The following LCT variants were observed in gnomAD, a reference collection of about 807,000 sequenced individuals.
The protein encoded by LCT is lactase.
A neutral mutation model predicts 173.0 loss-of-function variants in LCT; 90 were observed. That is an observed-to-expected ratio of 0.52 (90% confidence interval 0.44 to 0.62). The LOEUF is 0.62. Among genes scored for constraint, LCT ranks in the 20% least tolerant of loss-of-function variants. LCT has a pLI of 0.00. For missense variants in LCT, 1,864 were observed against 2,431.4 expected (o/e 0.77, Z 4.91); for synonymous variants, 853 against 957.6 (o/e 0.89, Z 2.02).
At chr2:135,834,255 G>A (rs1007320888) in intron 1 of LCT, among the ~76,000 whole-genome samples, 5 of 151,698 alleles carry the variant, frequency 3.3e-5, no homozygotes, top group Admixed American at 2.0e-4. Flanking sequence ...GCGCAGTCTC[G>A]GCTCACTGCA....
At chr2:135,804,410 G>T (rs1275120787) in intron 10 of LCT, among the ~76,000 whole-genome samples, 1 of 152,166 alleles carries the variant, frequency 6.6e-6, no homozygotes, top group Non-Finnish European at 1.5e-5. Context: ...GGTCGAGCAC[G>T]GTGGCTCATA....
chr2:135,798,246 T>C (rs1259020166), intron 12 of LCT, 108 bp from the exon 13 acceptor site: 3 of 751,424 alleles, frequency 4.0e-6, no homozygotes, highest in Non-Finnish European at 7.3e-6. Context: ...CTCCTTTTCC[T>C]GGACCCCCAG....
intron 3 of LCT, among the ~76,000 whole-genome samples, chr2:135,825,004 A>G (rs1012751137): frequency 6.6e-6 from 1 of 151,800 alleles, no homozygotes. Context: ...AAAAAAAAAA[A>G]AAAAAGAAAA....
chr2:135,792,595 C>T (rs191215134), intron 14 of LCT, among the ~76,000 whole-genome samples: 1 of 152,186 alleles, frequency 6.6e-6, no homozygotes, highest in Admixed American at 6.5e-5. Context: ...TGCATGGGAG[C>T]TAGGTGAGGC....
chr2:135,817,425 A>G lies in LCT; in HGVS notation c.1623T>C (p.His541=), dbSNP rs369866177. The G allele has an allele frequency of 7.4e-6, 12 of 1,614,004 alleles. No homozygotes were observed. In the African/African-American group the frequency reaches 1.5e-4, roughly 20 times the overall value. ...GDRVKLWVTF[H]EPWVMSYAGY... is the part of the protein sequence containing the mutation. ...CTGCGTAGCTCATCACCCACGGCTC[A>G]TGGAAGGTCACCCACAGCTTCACAC... The change falls in exon 6 of 17, where the codon CAT becomes CAC. Residue 541 remains histidine (H), a synonymous_variant. Transcript: ENST00000264162.
intron 3 of LCT, among the ~76,000 whole-genome samples, chr2:135,827,932 G>A (rs1197036834): frequency 6.6e-6 from 1 of 152,210 alleles, no homozygotes; most frequent in Non-Finnish European, 1.5e-5. Flanking sequence ...GATAGGACTG[G>A]TGCTAATTTG....
At chr2:135,796,344 C>T (rs2077581318) in intron 13 of LCT, among the ~76,000 whole-genome samples, 1 of 152,238 alleles carries the variant, frequency 6.6e-6, no homozygotes, top group African/African-American at 2.4e-5. Context: ...ACAGCCTCCT[C>T]CTGTCCCTGA....
rs548930226 is a variant in LCT, at chr2:135,807,033, C to T, written c.4173+95G>A. 8.1e-3 allele frequency: 11,425 copies of T among 1,409,636 alleles called. 724 individuals are homozygous for T. The African/African-American group carries it at 0.14, about 18-fold the overall frequency. 87.3% of individuals were successfully genotyped at this position (1,409,636 alleles called of 1,614,324 possible). The stretch of plus-strand genomic sequence containing the variant: ...CCCCTCCATGGGTCTGCTGGAATCT[C>T]CTGTTCATGCATCTGCCCTTCCCAG... On this transcript the variant is annotated intron_variant, in intron 9 of 16. Coordinates refer to ENST00000264162, the MANE Select transcript of LCT (RefSeq NM_002299.4).
In LCT at chr2:135,836,566, C is replaced by A. The variant is rs1359258763; in HGVS notation, c.604G>T (p.Ala202Ser). The change falls in exon 1 of 17, where the codon GCC becomes TCC. Residue 202 changes from alanine (A) to serine (S), a missense_variant. Physicochemically the swap from Ala to Ser is moderately conservative, Grantham distance 99 (BLOSUM62 1). Transcript: ENST00000264162. ...LQTLSDAHRK[A>S]YEIYHESYAF... ...TAGCTTTCGTGGTAAATCTCATAGG[C>A]TTTTCTGTGGGCATCACTGAGGGTC... 6.2e-7 allele frequency: 1 copy of A among 1,614,100 alleles called. No homozygotes were observed. The highest frequency in any genetic ancestry group is 8.5e-7 in the Non-Finnish European group (1 of 1,179,996).
intron 14 of LCT, chr2:135,794,350 G>C: frequency 2.8e-6 from 1 of 352,728 alleles, no homozygotes. Flanking sequence ...TTAGAGTTAA[G>C]CAGCCTGTGA....
Position 135,804,101 on chromosome 2 carries a change from G to A in LCT, c.4492C>T (p.Gln1498Ter). Residue 1498 changes from glutamine (Q) to a stop codon, truncating the protein, a stop_gained, in exon 11 of 17, where the codon CAG (glutamine) becomes TAG (stop). Transcript: ENST00000264162. LOFTEE classifies it high-confidence loss of function. ...QVTIYHWDLP[Q>*]TLQDVGGWEN... ...CAGCCTCCTACATCTTGGAGCGTCT[G>A]TGGTAGGTCCCAGTGGTAAATGGTC... 1 of 1,614,068 alleles carries A rather than the reference G, an allele frequency of 6.2e-7. No homozygotes were observed. Among genetic ancestry groups the A allele is most frequent in the East Asian group, 2.2e-5 (1 of 44,884 alleles).
At chr2:135,800,580 G>C in intron 12 of LCT, 27 bp downstream of exon 12, 1 of 1,570,070 alleles carries the variant, frequency 6.4e-7, no homozygotes, top group South Asian at 1.1e-5. Flanking sequence ...ACAAGAGTAA[G>C]AACAAGCGCC....
rs746882997 is a variant in LCT, at chr2:135,809,642, G to A, written c.2705C>T (p.Thr902Met). Residue 902 changes from threonine to methionine, a missense_variant, in exon 8 of 17, where the codon ACG (threonine) becomes ATG (methionine). Thr to Met is a moderately conservative substitution (Grantham distance 81). Around this residue, in one of 4 missense-constraint regions of LCT, gnomAD observed 755 missense variants for 926.3 expected, o/e 0.82. Coordinates refer to ENST00000264162, the MANE Select transcript of LCT (RefSeq NM_002299.4). This position sits in a 1 kb window ranked among gnomAD's most constrained non-coding sequence, Gnocchi z 5.5. The stretch of plus-strand genomic sequence containing the variant: ...GCCCCACAGAAAGTCATCCCGAAAC[G>A]TCCCGTGGTAGAACAAATCTCTTTC... ...KFERDLFYHGTFRDDFLWGVS... is the reference protein window; with the variant it reads ...KFERDLFYHGMFRDDFLWGVS... The A allele has an allele frequency of 3.7e-6, 6 of 1,614,204 alleles. No individual in the cohort carries two copies. Among genetic ancestry groups the A allele is most frequent in the Non-Finnish European group, 4.2e-6 (5 of 1,180,042 alleles).
At chr2:135,823,800 A>C in intron 4 of LCT, 101 bp downstream of exon 4, 1 of 801,260 alleles carries the variant, frequency 1.2e-6, no homozygotes, top group Non-Finnish European at 2.2e-6. Context: ...TCTTCCTCCC[A>C]TGCTCCTCCT....
rs757978538 is a variant in LCT at position 135,800,759 on chromosome 2, T to A, written c.4714A>T (p.Ile1572Leu). ...TGCCAGGCCTCAGCATGAGCCTTTA[T>A]TAGATTGTGGCCAACAATGTAGGGG... The part of the protein sequence containing the change: ...TAPYIVGHNL[I>L]KAHAEAWHLY... Residue 1572 changes from isoleucine (I) to leucine (L), a missense_variant, in exon 12 of 17, where the codon ATA becomes TTA. By Grantham distance (5) the Ile-to-Leu change is conservative. Coordinates refer to ENST00000264162, the MANE Select transcript of LCT (RefSeq NM_002299.4). 7 of 1,614,150 alleles carry A rather than the reference T, an allele frequency of 4.3e-6. No individual in the cohort carries two copies. The highest frequency in any genetic ancestry group is 1.3e-5 in the African/African-American group (1 of 75,046).
Position 135,790,681 on chromosome 2 carries a change from G to C in LCT, c.5312C>G (p.Thr1771Ser), listed in dbSNP as rs2077526531. The C allele has an allele frequency of 1.2e-6, 2 of 1,612,188 alleles. No individual in the cohort carries two copies. The highest frequency in any genetic ancestry group is 1.7e-6 in the Non-Finnish European group (2 of 1,179,194). ...ACCTTTGAGGGCCTCATTGATGTAA[G>C]TCCGAAGGTAGTAGATCCTTGCAGT... ...NDTARIYYLR[T>S]YINEALKAVQ... The change falls in exon 15 of 17, where the codon ACT becomes AGT. Residue 1771 changes from threonine to serine, a missense_variant. By Grantham distance (58) the Thr-to-Ser change is moderately conservative (BLOSUM62 1). Transcript: ENST00000264162. This position sits in a 1 kb window ranked among gnomAD's most constrained non-coding sequence, Gnocchi z 4.1.
chr2:135,815,090 C>G (rs908361794), intron 6 of LCT, among the ~76,000 whole-genome samples: 1 of 152,150 alleles, frequency 6.6e-6, no homozygotes, highest in Non-Finnish European at 1.5e-5. Flanking sequence ...AGGAAGAGAG[C>G]CCTCACCAGA....
rs1413424978 is a variant in LCT at position 135,790,263 on chromosome 2, AGTT to A, written c.5335+392_5335+394del. 6.6e-6 allele frequency among the ~76,000 whole-genome samples: 1 copy of A among 152,108 alleles called. No homozygotes were observed. Among genetic ancestry groups the A allele is most frequent in the Non-Finnish European group, 1.5e-5 (1 of 68,024 alleles). The stretch of plus-strand genomic sequence containing the variant: ...CTCTTATCCTCATGGTCCCATCTCA[AGTT>A]GTTAGGGCTGAGCCAAGAGCCTCAA... On this transcript the variant is annotated intron_variant, in intron 15 of 16. Coordinates refer to ENST00000264162, the MANE Select transcript of LCT (RefSeq NM_002299.4). This position sits in a 1 kb window ranked among gnomAD's most constrained non-coding sequence, Gnocchi z 4.1.
In LCT at chr2:135,812,788, A is replaced by G; in HGVS notation, c.1876T>C (p.Phe626Leu). The G allele has an allele frequency of 1.2e-6, 2 of 1,614,196 alleles. No homozygotes were observed. Among genetic ancestry groups the G allele is most frequent in the Non-Finnish European group, 1.7e-6 (2 of 1,180,048 alleles). ...DLRASERFLH[F>L]MLGWFAHPVF... ...GGGTGTGCAAACCAGCCCAGCATGA[A>G]GTGCAAGAAGCGCTCAGAGGCTCTC... The change falls in exon 7 of 17, where the codon TTC (phenylalanine) becomes CTC (leucine). Residue 626 changes from phenylalanine to leucine, a missense_variant. By Grantham distance (22) the Phe-to-Leu change is conservative. Transcript: ENST00000264162.
Sources: allele counts gnomAD v4.1 joint callset (sites outside exome capture counted in the v4.1 genomes callset), GRCh38; gene constraint gnomAD v4.1.1; regional missense constraint gnomAD v4.1.1; non-coding constraint Gnocchi (gnomAD v3.1); transcripts MANE v1.5; gene names NCBI Gene and HGNC (gene_info 2026-07-23, HGNC 2026-07-21).